Variants in EPHA5 observed in about 807,000 individuals in gnomAD.
The protein encoded by EPHA5 is ephrin type-A receptor 5.
EPHA5 carries 60 observed loss-of-function variants against 105.0 expected under a neutral mutation model. The observed-to-expected ratio is 0.57, with a 90% CI of 0.46 to 0.71. EPHA5 has a LOEUF of 0.71. EPHA5 is among the 30% of genes least tolerant of loss of function. EPHA5 has a pLI of 0.00. For missense variants in EPHA5, 1,218 were observed against 1,274.7 expected (o/e 0.96, Z 0.68); for synonymous variants, 513 against 449.1 (o/e 1.14, Z -1.80).
At chr4:65,633,367 GGA>G (rs1051410681) in intron 2 of EPHA5, among the ~76,000 whole-genome samples, 3 of 140,612 alleles carry the variant, frequency 2.1e-5, no homozygotes, top group Admixed American at 6.9e-5. Flanking sequence ...AAGGATGATA[GGA>G]AAAAAAAGAT....
At chr4:65,466,582 G>T (rs1218357377) in intron 5 of EPHA5, among the ~76,000 whole-genome samples, 1 of 152,188 alleles carries the variant, frequency 6.6e-6, no homozygotes, top group Non-Finnish European at 1.5e-5. Context: ...TTCACCAGGG[G>T]ACTGTTGCAA....
chr4:65,324,262 T>C (rs768260435), intron 16 of EPHA5, 43 bp from the exon 17 acceptor site: 3 of 1,350,650 alleles, frequency 2.2e-6, no homozygotes, highest in Non-Finnish European at 3.2e-6. Context: ...ATTCAATTTG[T>C]AGCACACCTC....
At chr4:65,345,302 C>T (rs1722109268) in intron 14 of EPHA5, among the ~76,000 whole-genome samples, 1 of 152,194 alleles carries the variant, frequency 6.6e-6, no homozygotes. Flanking sequence ...AGGGGAGACT[C>T]ATTGTCATCC....
intron 5 of EPHA5, among the ~76,000 whole-genome samples, chr4:65,471,121 T>C (rs1578191950): frequency 6.6e-6 from 1 of 152,356 alleles, no homozygotes; most frequent in South Asian, 2.1e-4. Context: ...GAATCTGCTG[T>C]GATTCTGGGG....
intron 5 of EPHA5, among the ~76,000 whole-genome samples, chr4:65,429,154 T>G (rs907749815): frequency 6.6e-5 from 10 of 152,064 alleles, no homozygotes; most frequent in African/African-American, 1.9e-4. Context: ...ATTCAAATAA[T>G]TTTTACAGTA....
chr4:65,455,787 A>G (rs1334078567), intron 5 of EPHA5, among the ~76,000 whole-genome samples: 1 of 152,188 alleles, frequency 6.6e-6, no homozygotes, highest in African/African-American at 2.4e-5. Flanking sequence ...TCTAACCTTC[A>G]TTGGCCCAGA....
chr4:65,406,065 C>A, intron 7 of EPHA5, among the ~76,000 whole-genome samples: 1 of 152,082 alleles, frequency 6.6e-6, no homozygotes, highest in East Asian at 1.9e-4. Context: ...TTCATTTGCT[C>A]CGTGTATTAA....
intron 11 of EPHA5, among the ~76,000 whole-genome samples, chr4:65,355,972 C>T (rs1157979981): frequency 6.6e-6 from 1 of 151,394 alleles, no homozygotes; most frequent in African/African-American, 2.4e-5. Context: ...TGATTTATCC[C>T]CTCATTTACA....
intron 1 of EPHA5, 33 bp downstream of exon 1, chr4:65,669,529 A>C: frequency 7.4e-7 from 1 of 1,351,458 alleles, no homozygotes; most frequent in South Asian, 2.2e-5. Flanking sequence ...CCTCCGCCCC[A>C]GGTCGCCACG....
At chr4:65,534,987 T>C (rs28654365) in intron 3 of EPHA5, among the ~76,000 whole-genome samples, 77,143 of 151,936 alleles carry the variant, frequency 0.51, 19,888 homozygotes, top group Non-Finnish European at 0.53. Flanking sequence ...TGAGATACTT[T>C]GAAAATTTCT....
intron 3 of EPHA5, among the ~76,000 whole-genome samples, chr4:65,546,805 C>T (rs954301085): frequency 6.6e-6 from 1 of 151,970 alleles, no homozygotes; most frequent in Non-Finnish European, 1.5e-5. Context: ...TTTAAATAAC[C>T]ATTGAGTTCT....
At chr4:65,404,299 C>T (rs968563280) in intron 8 of EPHA5, 75 bp downstream of exon 8, 2 of 1,265,472 alleles carry the variant, frequency 1.6e-6, no homozygotes, top group Non-Finnish European at 2.3e-6. Flanking sequence ...GGGATGTGCT[C>T]AACAGCCAAA....
chr4:65,574,314 A>G, intron 3 of EPHA5: 2 of 1,526,726 alleles, frequency 1.3e-6, no homozygotes. Context: ...TTATCCTCAC[A>G]AATTGGTGTT....
At chr4:65,457,956 T>C (rs1727758156) in intron 5 of EPHA5, among the ~76,000 whole-genome samples, 1 of 151,342 alleles carries the variant, frequency 6.6e-6, no homozygotes, top group African/African-American at 2.4e-5. Context: ...CGCCTGTAGT[T>C]CCAGCTACTC....
In EPHA5 at chr4:65,576,108, G is replaced by GAAA. The variant is rs1392660370; in HGVS notation, c.910+25530_910+25532dup. Among the ~76,000 whole-genome samples, 95 of 66,816 alleles carry GAAA rather than the reference G, an allele frequency of 1.4e-3. 3 individuals are homozygous for GAAA. The highest frequency in any genetic ancestry group is 6.3e-3 in the East Asian group (11 of 1,746). 43.8% of individuals were successfully genotyped at this position (66,816 alleles called of 152,430 possible). ...GAAAAGAAAAGAAAAGAAAAGAAAAGAAAAGAAAAAAGAAAAGAAAAGAAA... is the reference window on the plus strand; with the variant it reads ...GAAAAGAAAAGAAAAGAAAAGAAAAGAAAAAAAGAAAAAAGAAAAGAAAAGAAA... On this transcript the variant is annotated intron_variant, in intron 3 of 16. Coordinates refer to ENST00000613740, the MANE Select transcript of EPHA5 (RefSeq NM_001281766.3).
chr4:65,529,467 A>AC (rs1735557374), intron 3 of EPHA5, among the ~76,000 whole-genome samples: 1 of 152,146 alleles, frequency 6.6e-6, no homozygotes, highest in East Asian at 1.9e-4. Flanking sequence ...CACACACACA[A>AC]ATACAACATA....
chr4:65,524,700 C>T (rs1203193848), intron 3 of EPHA5, among the ~76,000 whole-genome samples: 2 of 151,772 alleles, frequency 1.3e-5, no homozygotes, highest in African/African-American at 2.4e-5. Flanking sequence ...TTTTTATAAA[C>T]TGTGCCATTT....
intron 8 of EPHA5, among the ~76,000 whole-genome samples, chr4:65,377,574 C>A (rs947996855): frequency 6.6e-6 from 1 of 151,896 alleles, no homozygotes; most frequent in Admixed American, 6.6e-5. Flanking sequence ...GCATACATAA[C>A]TCCCCAGATC....
intron 5 of EPHA5, among the ~76,000 whole-genome samples, chr4:65,442,764 C>G (rs1029270621): frequency 6.6e-6 from 1 of 152,062 alleles, no homozygotes; most frequent in East Asian, 1.9e-4. Flanking sequence ...GAGCTAGTAG[C>G]AAAACATTTT....
Sources: gnomAD v4.1 joint callset for allele counts (sites outside exome capture counted in the v4.1 genomes callset) on GRCh38, gnomAD v4.1.1 for gene constraint, MANE v1.5 for transcripts, NCBI Gene and HGNC (gene_info 2026-07-23, HGNC 2026-07-21) for gene names.